SUMF1: variants seen among roughly 807,000 people sequenced by gnomAD.
The protein encoded by SUMF1 is formylglycine-generating enzyme.
A neutral mutation model predicts 47.6 loss-of-function variants in SUMF1; 48 were observed. The observed-to-expected ratio is 1.01, with a 90% CI of 0.80 to 1.28. The LOEUF (loss-of-function observed/expected upper bound fraction) is 1.28, where lower values mean the gene tolerates loss of function less well. Among genes scored for constraint, SUMF1 ranks in the 50% most tolerant of loss-of-function variants. SUMF1 has a pLI of 0.00. For missense variants in SUMF1, 571 were observed against 485.4 expected (o/e 1.18, Z -1.66); for synonymous variants, 230 against 192.1 (o/e 1.20, Z -1.63).
rs770748696 is a variant in SUMF1 at position 4,194,344 on chromosome 3, G to A, written c.1015-125599C>T. ...ATAACCAAGCTTCTGGCAATGACTG[G>A]GCAGGCAGGAGTTCAAGTCCGCTTA... On this transcript the variant is annotated intron_variant and NMD_transcript_variant, in intron 8 of 12. Coordinates refer to the SUMF1 transcript ENST00000448413. Among the ~76,000 whole-genome samples the A allele has an allele frequency of 1.5e-4, 23 of 152,220 alleles. No homozygotes were observed. The East Asian group carries it at 4.3e-3, about 28-fold the overall frequency.
At position 4,319,081 on chromosome 3, in the gene SUMF1, T is replaced by C. The variant is rs144993856; in HGVS notation, c.1014+57249A>G. On this transcript the variant is annotated intron_variant and NMD_transcript_variant, in intron 8 of 12. Transcript: ENST00000448413. The stretch of plus-strand genomic sequence containing the variant: ...AGTTATCCCTTAGCACCCACTAGGA[T>C]GGTAGAAAGCGAAAACACTAAAAAT... 1.3e-3 allele frequency among the ~76,000 whole-genome samples: 204 copies of C among 152,256 alleles called. 1 individual carries two copies. Among genetic ancestry groups the C allele is most frequent in the South Asian group, 3.5e-3 (17 of 4,822 alleles).
At chr3:4,373,705 T>C (rs1044449210) in intron 8 of SUMF1, among the ~76,000 whole-genome samples, 6 of 152,150 alleles carry the variant, frequency 3.9e-5, no homozygotes, top group Non-Finnish European at 7.3e-5. Context: ...ACTCAATCTA[T>C]GAAGTCAGCA....
At chr3:4,364,216 T>G in intron 8 of SUMF1, among the ~76,000 whole-genome samples, 1 of 131,078 alleles carries the variant, frequency 7.6e-6, no homozygotes, top group Non-Finnish European at 1.7e-5. Context: ...CCGGCTTTGG[T>G]ATCAGGATGA....
Position 4,335,352 on chromosome 3 carries a change from G to A in SUMF1, c.1014+40978C>T, listed in dbSNP as rs190196105. On this transcript the variant is annotated intron_variant and NMD_transcript_variant, in intron 8 of 12. Transcript: ENST00000448413. ...AAATTTACATATAGCCTAGATCTCT[G>A]ATTATAAGGAGAAGTGATAGCCAGC... Among the ~76,000 whole-genome samples the A allele has an allele frequency of 2.4e-4, 36 of 152,192 alleles. 1 individual carries two copies. The highest frequency in any genetic ancestry group is 8.2e-4 in the African/African-American group (34 of 41,514).
Position 4,280,100 on chromosome 3 carries a change from C to CA in SUMF1, c.1014+96229dup, listed in dbSNP as rs1290379352. 3.3e-5 allele frequency among the ~76,000 whole-genome samples: 5 copies of CA among 152,088 alleles called. No individual in the cohort carries two copies. The East Asian group carries it at 9.7e-4, about 29-fold the overall frequency. On this transcript the variant is annotated intron_variant and NMD_transcript_variant, in intron 8 of 12. Coordinates refer to the SUMF1 transcript ENST00000448413. ...AGATTTTAAGTGTTCTTACCACACA[C>CA]AAAAAAGATGTTATGTGAGGTAGTA...
Position 4,111,547 on chromosome 3 carries a change from G to A in SUMF1, c.1015-42802C>T, listed in dbSNP as rs531031332. ...ATCCTGGCCAACATGGTGAAACCCC[G>A]TCTCTACTAAAAATACAAAAATTAG... On this transcript the variant is annotated intron_variant and NMD_transcript_variant, in intron 8 of 12. Transcript: ENST00000448413. 1.6e-4 allele frequency among the ~76,000 whole-genome samples: 24 copies of A among 151,938 alleles called. 1 individual carries two copies. The highest frequency in any genetic ancestry group is 1.5e-3 in the South Asian group (7 of 4,786).
At chr3:4,294,037 C>A (rs1697791890) in intron 8 of SUMF1, among the ~76,000 whole-genome samples, 1 of 152,120 alleles carries the variant, frequency 6.6e-6, no homozygotes, top group African/African-American at 2.4e-5. Context: ...ATGTGAAATA[C>A]ATTTTTTAAA....
intron 8 of SUMF1, among the ~76,000 whole-genome samples, chr3:4,268,292 C>T (rs978711135): frequency 1.2e-4 from 18 of 151,374 alleles, no homozygotes; most frequent in Non-Finnish European, 2.1e-4. Context: ...TGCTAGATGA[C>T]GAGGCGGGGA....
chr3:4,154,792 T>C (rs765600658), intron 8 of SUMF1, among the ~76,000 whole-genome samples: 3 of 151,596 alleles, frequency 2.0e-5, no homozygotes, highest in Non-Finnish European at 4.4e-5. Context: ...GGAGGAAAGA[T>C]GAGGATGCTC....
intron 8 of SUMF1, among the ~76,000 whole-genome samples, chr3:4,349,956 T>C (rs1042470242): frequency 1.3e-5 from 2 of 151,806 alleles, no homozygotes; most frequent in Admixed American, 6.6e-5. Context: ...GTTTTTTTTT[T>C]TAGAAGAAAT....
intron 8 of SUMF1, among the ~76,000 whole-genome samples, chr3:4,151,545 G>GTA (rs1559514439): frequency 1.9e-5 from 2 of 104,980 alleles, no homozygotes; most frequent in East Asian, 2.8e-4. Context: ...GTATATATAT[G>GTA]TGTGTGTATA....
intron 8 of SUMF1, among the ~76,000 whole-genome samples, chr3:4,134,473 G>A (rs958596405): frequency 6.6e-6 from 1 of 152,122 alleles, no homozygotes; most frequent in Non-Finnish European, 1.5e-5. Flanking sequence ...AAAGCAGTGT[G>A]TAGAGGGAAA....
chr3:4,239,408 A>G (rs1011066615), intron 8 of SUMF1, among the ~76,000 whole-genome samples: 2 of 152,192 alleles, frequency 1.3e-5, no homozygotes, highest in South Asian at 4.1e-4. Context: ...ATCCATAAGC[A>G]TGGAATGTTT....
Position 4,431,312 on chromosome 3 carries a change from C to T in SUMF1, c.520-11166G>A, listed in dbSNP as rs962195343. Among the ~76,000 whole-genome samples the T allele has an allele frequency of 4.6e-5, 7 of 152,346 alleles. No homozygotes were observed. The South Asian group carries it at 6.2e-4, about 14-fold the overall frequency. On this transcript the variant is annotated intron_variant, in intron 3 of 8. Transcript: ENST00000272902. Reference sequence around the variant, plus strand: ...TGATCCCCATCCTTCACTAATTTTACATATACCTACCCTTTCCTAATTGGT... The same window carrying T: ...TGATCCCCATCCTTCACTAATTTTATATATACCTACCCTTTCCTAATTGGT...
chr3:4,188,045 T>C (rs1213670138), intron 8 of SUMF1, among the ~76,000 whole-genome samples: 1 of 152,090 alleles, frequency 6.6e-6, no homozygotes, highest in Non-Finnish European at 1.5e-5. Context: ...AAATTTCTCA[T>C]ATACCCCCTA....
At chr3:4,058,269 C>T (rs935083418) in intron 9 of SUMF1, among the ~76,000 whole-genome samples, 3 of 152,108 alleles carry the variant, frequency 2.0e-5, no homozygotes, top group East Asian at 1.9e-4. Context: ...ATATTCTGCC[C>T]GACTGCTCTG....
chr3:4,282,199 C>T (rs1002459406), intron 8 of SUMF1, among the ~76,000 whole-genome samples: 6 of 152,074 alleles, frequency 3.9e-5, no homozygotes, highest in Non-Finnish European at 5.9e-5. Context: ...TTTTGTTAAA[C>T]GTCTAATCTC....
intron 8 of SUMF1, among the ~76,000 whole-genome samples, chr3:4,311,630 T>C (rs1698408866): frequency 6.6e-6 from 1 of 152,212 alleles, no homozygotes; most frequent in African/African-American, 2.4e-5. Flanking sequence ...ATGTATCTAA[T>C]CATATATCCT....
chr3:4,039,775 C>T (rs1380043554), intron 9 of SUMF1, among the ~76,000 whole-genome samples: 2 of 152,126 alleles, frequency 1.3e-5, no homozygotes, highest in Non-Finnish European at 2.9e-5. Context: ...AATCTCAGCA[C>T]TTTTGGAGGC....
Sources: allele counts gnomAD v4.1 joint callset (sites outside exome capture counted in the v4.1 genomes callset), GRCh38; gene constraint gnomAD v4.1.1; transcripts MANE v1.5; gene names NCBI Gene and HGNC (gene_info 2026-07-23, HGNC 2026-07-21).